Variants in ZBTB7C observed in about 807,000 individuals in gnomAD.
ZBTB7C encodes the protein zinc finger and BTB domain containing 7C.
Under a neutral mutation model 25.7 loss-of-function variants are expected in ZBTB7C, and 8 were observed. The ratio of observed to expected loss-of-function variants is 0.31; its 90% CI spans 0.18 to 0.56. The LOEUF is 0.56. ZBTB7C is among the 20% of genes least tolerant of loss of function. The pLI is 0.91. For missense variants in ZBTB7C, 824 were observed against 855.2 expected, an observed-to-expected ratio of 0.96 and a Z score of 0.46; for synonymous variants, 394 against 369.0, an observed-to-expected ratio of 1.07 and a Z score of -0.78.
At chr18:48,076,722 C>T (rs919681713) in intron 3 of ZBTB7C, among the ~76,000 whole-genome samples, 1 of 152,088 alleles carries the variant, frequency 6.6e-6, no homozygotes. Context: ...TCCTCTTGAC[C>T]CACGGAGACC....
chr18:48,370,713 C>T (rs928986941), intron 1 of ZBTB7C, among the ~76,000 whole-genome samples: 4 of 152,148 alleles, frequency 2.6e-5, no homozygotes, highest in South Asian at 2.1e-4. Context: ...TCAACACACA[C>T]GCACATACAA....
intron 3 of ZBTB7C, among the ~76,000 whole-genome samples, chr18:48,057,326 A>G (rs1166179827): frequency 6.6e-6 from 1 of 152,200 alleles, no homozygotes. Context: ...ATAGCCAACA[A>G]TTGGAAGTAA....
At chr18:48,357,402 C>T (rs1335764406) in intron 1 of ZBTB7C, among the ~76,000 whole-genome samples, 3 of 152,172 alleles carry the variant, frequency 2.0e-5, no homozygotes, top group Non-Finnish European at 4.4e-5. Context: ...ACTTCCTCAC[C>T]TCTCCCTCCC....
At chr18:48,324,257 C>T (rs949538032) in intron 2 of ZBTB7C, among the ~76,000 whole-genome samples, 4 of 152,140 alleles carry the variant, frequency 2.6e-5, no homozygotes, top group African/African-American at 9.7e-5. Flanking sequence ...CATCTAGCTG[C>T]CCTCTGATGG....
intron 2 of ZBTB7C, among the ~76,000 whole-genome samples, chr18:48,261,516 T>G (rs1196869436): frequency 1.3e-5 from 2 of 152,246 alleles, no homozygotes; most frequent in Non-Finnish European, 2.9e-5. Context: ...ACTAAGTCAC[T>G]GGCTCCAGAG....
intron 2 of ZBTB7C, among the ~76,000 whole-genome samples, chr18:48,298,173 G>A (rs1035080689): frequency 6.6e-6 from 1 of 151,960 alleles, no homozygotes; most frequent in East Asian, 1.9e-4. Context: ...CCAGCTACTC[G>A]GAAGGCTGCG....
rs2144152810 is a variant in ZBTB7C, at chr18:48,040,640, C to G, written c.468G>C (p.Glu156Asp). The G allele has an allele frequency of 6.2e-7, 1 of 1,613,468 alleles. No homozygotes were observed. The highest frequency in any genetic ancestry group is 8.5e-7 in the Non-Finnish European group (1 of 1,179,658). ...EDDDDEEDEE[E>D]EEEEEEDDDD... ...CGTCATCCTCCTCCTCTTCCTCCTC[C>G]TCCTCTTCGTCCTCCTCATCATCAT... The change falls in exon 4 of 5, where the codon GAG (glutamate) becomes GAC (aspartate). Residue 156 changes from glutamate to aspartate, a missense_variant. Glu to Asp is a conservative substitution (Grantham distance 45, BLOSUM62 2). Around this residue, in one of 4 missense-constraint regions of ZBTB7C, gnomAD observed 316 missense variants for 299.2 expected, o/e 1.06. Coordinates refer to ENST00000590800, the MANE Select transcript of ZBTB7C (RefSeq NM_001318841.2).
At position 48,361,105 on chromosome 18, in the gene ZBTB7C, G is replaced by C. The variant is rs544333450; in HGVS notation, c.-303-22707C>G. On this transcript the variant is annotated intron_variant, in intron 1 of 4. Coordinates refer to ENST00000590800, the MANE Select transcript of ZBTB7C (RefSeq NM_001318841.2). ...GCCAAGGTCTGCAATGAGCATGGTG[G>C]GGTAGCCTGGGCAGGAGACCCAGGA... Among the ~76,000 whole-genome samples the C allele has an allele frequency of 1.1e-4, 16 of 152,192 alleles. No individual in the cohort carries two copies. In the South Asian group the frequency reaches 3.3e-3, roughly 32 times the overall value.
chr18:48,364,993 T>G (rs1335527737), intron 1 of ZBTB7C, among the ~76,000 whole-genome samples: 1 of 152,190 alleles, frequency 6.6e-6, no homozygotes, highest in Non-Finnish European at 1.5e-5. Flanking sequence ...AGAATGTGCA[T>G]TCTCAACAAG....
intron 3 of ZBTB7C, among the ~76,000 whole-genome samples, chr18:48,151,556 C>T (rs1027480761): frequency 2.0e-5 from 3 of 152,070 alleles, no homozygotes; most frequent in African/African-American, 4.8e-5. Flanking sequence ...GCTGGATTGT[C>T]GAAGCGACCT....
chr18:48,390,155 T>C (rs922781768), intron 1 of ZBTB7C, among the ~76,000 whole-genome samples: 2 of 152,170 alleles, frequency 1.3e-5, no homozygotes, highest in Admixed American at 1.3e-4. Context: ...CTAACCACAA[T>C]AGTAATATAT....
intron 1 of ZBTB7C, among the ~76,000 whole-genome samples, chr18:48,353,439 A>G (rs9964232): frequency 0.87 from 132,314 of 152,156 alleles, 57,579 homozygotes; most frequent in East Asian, 0.97. Flanking sequence ...GCTGATTGAC[A>G]AATGAGCTTC....
intron 2 of ZBTB7C, among the ~76,000 whole-genome samples, chr18:48,193,007 A>T (rs964574196): frequency 2.0e-5 from 3 of 152,204 alleles, no homozygotes; most frequent in African/African-American, 7.2e-5. Context: ...CTCGGTGCCA[A>T]TAAGTATGGG....
At chr18:48,037,200 G>C (rs1397127026) in intron 4 of ZBTB7C, among the ~76,000 whole-genome samples, 1 of 152,246 alleles carries the variant, frequency 6.6e-6, no homozygotes, top group Non-Finnish European at 1.5e-5. Context: ...AACAAGTGGT[G>C]GGGGTGCTGA....
At chr18:48,102,902 G>A (rs1301263189) in intron 3 of ZBTB7C, among the ~76,000 whole-genome samples, 1 of 151,866 alleles carries the variant, frequency 6.6e-6, no homozygotes, top group Non-Finnish European at 1.5e-5. Context: ...TTTCAAAAAG[G>A]GAGTCTGCAT....
At chr18:48,037,147 A>C (rs2036007543) in intron 4 of ZBTB7C, among the ~76,000 whole-genome samples, 1 of 152,244 alleles carries the variant, frequency 6.6e-6, no homozygotes, top group South Asian at 2.1e-4. Context: ...GAAGGACCCA[A>C]GAGCTTGTCT....
chr18:48,289,829 C>G (rs577121963), intron 2 of ZBTB7C, among the ~76,000 whole-genome samples: 3 of 152,176 alleles, frequency 2.0e-5, no homozygotes, highest in Admixed American at 1.3e-4. Flanking sequence ...ACGGTTAGCA[C>G]TCTGCACTCT....
At chr18:48,230,607 G>T (rs1236630363) in intron 2 of ZBTB7C, among the ~76,000 whole-genome samples, 2 of 152,198 alleles carry the variant, frequency 1.3e-5, no homozygotes, top group East Asian at 3.8e-4. Context: ...GAACATGCTG[G>T]AAGGGGATGG....
At chr18:48,155,471 G>T (rs1197216622) in intron 3 of ZBTB7C, among the ~76,000 whole-genome samples, 1 of 149,854 alleles carries the variant, frequency 6.7e-6, no homozygotes, top group Non-Finnish European at 1.5e-5. Flanking sequence ...GGGACTACAG[G>T]TGCCCGCCAC....
Sources: gnomAD v4.1 joint callset for allele counts (sites outside exome capture counted in the v4.1 genomes callset) on GRCh38, gnomAD v4.1.1 for gene constraint, gnomAD v4.1.1 regional missense constraint, MANE v1.5 for transcripts, NCBI Gene and HGNC (gene_info 2026-07-23, HGNC 2026-07-21) for gene names.